The following SGCZ variants were observed in gnomAD, a reference collection of about 807,000 sequenced individuals.
SGCZ encodes sarcoglycan zeta, also known as zeta-sarcoglycan.
In SGCZ, 40 loss-of-function variants were observed where a neutral mutation model predicts 41.3. The ratio of observed to expected loss-of-function variants is 0.97; its 90% confidence interval spans 0.75 to 1.26. SGCZ has a LOEUF of 1.26. SGCZ is among the 50% of genes most tolerant of loss of function. The pLI, the probability that SGCZ is intolerant of heterozygous loss-of-function variation, is 0.00. For synonymous variants in SGCZ, 206 were observed against 137.5 expected, an observed-to-expected ratio of 1.50 and a Z score of -3.49; for missense variants, 552 against 369.8, an observed-to-expected ratio of 1.49 and a Z score of -4.04.
At chr8:14,288,289 A>C (rs1800711433) in intron 3 of SGCZ, among the ~76,000 whole-genome samples, 1 of 152,144 alleles carries the variant, frequency 6.6e-6, no homozygotes, top group Non-Finnish European at 1.5e-5. Context: ...ATGTAACATA[A>C]AATTTACCCT....
intron 3 of SGCZ, among the ~76,000 whole-genome samples, chr8:14,300,744 T>G (rs934199623): frequency 6.6e-6 from 1 of 151,886 alleles, no homozygotes; most frequent in African/African-American, 2.4e-5. Context: ...TTTTAAAAAT[T>G]TATCTCTTAG....
intron 1 of SGCZ, among the ~76,000 whole-genome samples, chr8:14,915,876 T>C (rs60813844): frequency 6.6e-6 from 1 of 152,110 alleles, no homozygotes; most frequent in Non-Finnish European, 1.5e-5. Flanking sequence ...TCTTTCTCAG[T>C]GACAGACAAT....
intron 1 of SGCZ, among the ~76,000 whole-genome samples, chr8:15,012,534 A>T (rs1430127228): frequency 6.6e-5 from 7 of 106,046 alleles, no homozygotes; most frequent in Non-Finnish European, 1.1e-4. Flanking sequence ...ACATATGAAC[A>T]TATAAAAATA....
At chr8:14,846,554 C>A (rs951197768) in intron 1 of SGCZ, among the ~76,000 whole-genome samples, 2 of 151,776 alleles carry the variant, frequency 1.3e-5, no homozygotes, top group Non-Finnish European at 2.9e-5. Context: ...AACTTTATAC[C>A]AATATGTTTG....
At chr8:14,241,242 T>G (rs992499451) in intron 3 of SGCZ, among the ~76,000 whole-genome samples, 2 of 151,872 alleles carry the variant, frequency 1.3e-5, no homozygotes, top group Non-Finnish European at 2.9e-5. Flanking sequence ...TTTAAGATAT[T>G]TAAATAGACA....
chr8:14,988,508 A>C (rs562335201), intron 1 of SGCZ, among the ~76,000 whole-genome samples: 2 of 152,140 alleles, frequency 1.3e-5, no homozygotes, highest in East Asian at 3.9e-4. Flanking sequence ...CTAAATATGG[A>C]TTGAGAATAG....
chr8:14,294,360 T>A (rs1585329773), intron 3 of SGCZ, among the ~76,000 whole-genome samples: 1 of 151,860 alleles, frequency 6.6e-6, no homozygotes, highest in South Asian at 2.1e-4. Context: ...TTTGTGACCA[T>A]CTAAGAGTTG....
At chr8:14,505,910 C>T (rs575444132) in intron 2 of SGCZ, among the ~76,000 whole-genome samples, 11 of 152,276 alleles carry the variant, frequency 7.2e-5, no homozygotes, top group East Asian at 1.9e-4. Flanking sequence ...GTGATTCGAA[C>T]GCAAGCTAAC....
intron 2 of SGCZ, among the ~76,000 whole-genome samples, chr8:14,535,447 T>G (rs967326844): frequency 2.0e-5 from 3 of 151,910 alleles, no homozygotes; most frequent in African/African-American, 4.8e-5. Flanking sequence ...GGTCACACCA[T>G]GGATTTCACT....
At chr8:15,237,433 C>T (rs1585705724) in intron 1 of SGCZ, 152 bp downstream of exon 1, 1 of 893,910 alleles carries the variant, frequency 1.1e-6, no homozygotes, top group Non-Finnish European at 1.7e-6. Context: ...CCAGCAGGGG[C>T]GCCTGCGCCC....
chr8:15,217,334 G>T (rs1054863008), intron 1 of SGCZ, among the ~76,000 whole-genome samples: 1 of 150,962 alleles, frequency 6.6e-6, no homozygotes, highest in Admixed American at 6.6e-5. Flanking sequence ...GGAGAATGGC[G>T]TGAACCCGGG....
chr8:14,604,787 G>A (rs754875822), intron 1 of SGCZ, among the ~76,000 whole-genome samples: 1 of 152,090 alleles, frequency 6.6e-6, no homozygotes, highest in Non-Finnish European at 1.5e-5. Flanking sequence ...TATCAAAGAA[G>A]AAATAGTCCA....
intron 1 of SGCZ, among the ~76,000 whole-genome samples, chr8:14,854,358 T>C (rs1803467283): frequency 6.6e-6 from 1 of 151,904 alleles, no homozygotes; most frequent in South Asian, 2.1e-4. Flanking sequence ...TACATAGACA[T>C]ATCAAAAATA....
At chr8:15,220,018 A>C (rs995149263) in intron 1 of SGCZ, among the ~76,000 whole-genome samples, 1 of 152,206 alleles carries the variant, frequency 6.6e-6, no homozygotes, top group African/African-American at 2.4e-5. Context: ...TTGTTCTAAC[A>C]ATGCCTTTGA....
At chr8:14,494,652 C>T (rs1299269450) in intron 2 of SGCZ, among the ~76,000 whole-genome samples, 1 of 152,020 alleles carries the variant, frequency 6.6e-6, no homozygotes, top group African/African-American at 2.4e-5. Context: ...GGCTGCAAAA[C>T]TTTTTTCAGT....
chr8:14,365,211 CT>C (rs1803657319), intron 2 of SGCZ, among the ~76,000 whole-genome samples: 1 of 151,940 alleles, frequency 6.6e-6, no homozygotes, highest in African/African-American at 2.4e-5. Flanking sequence ...AGATTTTATA[CT>C]TTATTATACA....
At chr8:15,169,773 A>G (rs1799774778) in intron 1 of SGCZ, among the ~76,000 whole-genome samples, 1 of 152,172 alleles carries the variant, frequency 6.6e-6, no homozygotes, top group Non-Finnish European at 1.5e-5. Context: ...AGAAAGGTAC[A>G]AATCCCATCC....
At chr8:14,851,242 G>A (rs190415943) in intron 1 of SGCZ, among the ~76,000 whole-genome samples, 7 of 151,402 alleles carry the variant, frequency 4.6e-5, no homozygotes, top group East Asian at 2.0e-4. Flanking sequence ...CGTGGCAGGC[G>A]CCTGTAGTCC....
intron 1 of SGCZ, among the ~76,000 whole-genome samples, chr8:14,836,266 C>T (rs904018245): frequency 6.6e-6 from 1 of 152,124 alleles, no homozygotes; most frequent in Non-Finnish European, 1.5e-5. Flanking sequence ...GAGTGAATCA[C>T]TTATGCTGAA....
Sources: gnomAD v4.1 joint callset for allele counts (sites outside exome capture counted in the v4.1 genomes callset) on GRCh38, gnomAD v4.1.1 for gene constraint, MANE v1.5 for transcripts, NCBI Gene and HGNC (gene_info 2026-07-23, HGNC 2026-07-21) for gene names.